The following EDN1 variants were observed in gnomAD, a reference collection of about 807,000 sequenced individuals.
EDN1 encodes the protein endothelin-1.
In EDN1, 11 loss-of-function variants were observed where a neutral mutation model predicts 21.7. That is an observed-to-expected ratio of 0.51 (90% CI 0.32 to 0.84). The LOEUF (loss-of-function observed/expected upper bound fraction) is 0.84, where lower values mean the gene tolerates loss of function less well. Among genes scored for constraint, EDN1 ranks in the 40% least tolerant of loss-of-function variants. EDN1 has a pLI of 0.03. For synonymous variants in EDN1, 85 were observed against 90.6 expected (o/e 0.94, Z 0.35); for missense variants, 244 against 262.3 (o/e 0.93, Z 0.48).
At chr6:12,246,191 A>G in the EDN1 span, among the ~76,000 whole-genome samples, 1 of 152,130 alleles carries the variant, frequency 6.6e-6, no homozygotes, top group African/African-American at 2.4e-5. Flanking sequence ...ACACGATTTA[A>G]ATGGAAGGTG....
At chr6:12,250,866 C>A in the EDN1 span, among the ~76,000 whole-genome samples, 1 of 152,156 alleles carries the variant, frequency 6.6e-6, no homozygotes, top group African/African-American at 2.4e-5. Flanking sequence ...ATTTTGAGTG[C>A]CTCTTGGCAT....
chr6:12,290,511 C>G lies in EDN1; in HGVS notation c.-119C>G, dbSNP rs1161753042. 1 of 837,524 alleles carries G rather than the reference C, an allele frequency of 1.2e-6. No individual in the cohort carries two copies. 51.9% of individuals were successfully genotyped at this position (837,524 alleles called of 1,614,324 possible). A position where few individuals can be genotyped will look rare whatever the true frequency, so the allele number is the denominator to read the frequency against. The stretch of plus-strand genomic sequence containing the variant: ...TCTCCCCGTTAAAAGGGCACTTGGG[C>G]TGAAGGATCGCTTTGAGATCTGAGG... On this transcript the variant is annotated 5_prime_UTR_variant, in exon 1 of 5. Coordinates refer to ENST00000379375, the MANE Select transcript of EDN1 (RefSeq NM_001955.5).
the EDN1 span, among the ~76,000 whole-genome samples, chr6:12,273,055 G>A: frequency 6.6e-6 from 1 of 152,098 alleles, no homozygotes; most frequent in Non-Finnish European, 1.5e-5. Flanking sequence ...TGAGCACTAA[G>A]TAAATTGTGA....
At chr6:12,286,917 C>A (rs1021715283), upstream of EDN1, among the ~76,000 whole-genome samples, 2 of 152,068 alleles carry the variant, frequency 1.3e-5, no homozygotes, top group Non-Finnish European at 1.5e-5. Flanking sequence ...ATTTCAAGAC[C>A]AGCCTAGGCA....
the EDN1 span, among the ~76,000 whole-genome samples, chr6:12,284,042 G>A: frequency 2.0e-5 from 3 of 152,018 alleles, no homozygotes; most frequent in African/African-American, 7.3e-5. Context: ...TTTTCCTCCG[G>A]GGGTATCTGT....
the EDN1 span, among the ~76,000 whole-genome samples, chr6:12,233,867 G>A: frequency 6.6e-6 from 1 of 152,158 alleles, no homozygotes; most frequent in East Asian, 1.9e-4. Context: ...GCTCATGGGA[G>A]CCTGAGTAAT....
chr6:12,266,661 C>T, the EDN1 span, among the ~76,000 whole-genome samples: 1 of 152,138 alleles, frequency 6.6e-6, no homozygotes, highest in African/African-American at 2.4e-5. Context: ...GGAGACCTCC[C>T]CAGGAAAGGT....
chr6:12,285,083 A>G, the EDN1 span, among the ~76,000 whole-genome samples: 1 of 152,132 alleles, frequency 6.6e-6, no homozygotes, highest in Non-Finnish European at 1.5e-5. Context: ...TCTAATATTA[A>G]TAATAATAAT....
Position 12,292,291 on chromosome 6 carries a change from C to T in EDN1, c.65-50C>T, listed in dbSNP as rs755405133. 6.2e-6 allele frequency: 10 copies of T among 1,609,272 alleles called. No individual in the cohort carries two copies. In the Admixed American group the frequency reaches 1.7e-4, roughly 27 times the overall value. ...GACTCTACTGTGATCCAGCATGTCT[C>T]TCGGCGTTTGAGGAGACATCCCCCA... On this transcript the variant is annotated intron_variant, in intron 1 of 4. Transcript: ENST00000379375.
chr6:12,277,778 A>C, the EDN1 span, among the ~76,000 whole-genome samples: 1 of 152,256 alleles, frequency 6.6e-6, no homozygotes, highest in African/African-American at 2.4e-5. Context: ...AAGGGCCTCC[A>C]GGGCGGGACT....
the EDN1 span, among the ~76,000 whole-genome samples, chr6:12,251,822 G>A: frequency 2.0e-5 from 3 of 152,056 alleles, no homozygotes; most frequent in Admixed American, 1.3e-4. Context: ...CGTGCCTGAG[G>A]GTCTTTCAGA....
chr6:12,280,329 A>C, the EDN1 span, among the ~76,000 whole-genome samples: 1 of 152,218 alleles, frequency 6.6e-6, no homozygotes, highest in Non-Finnish European at 1.5e-5. Flanking sequence ...TAAGGCCTGG[A>C]AAGAAAATTT....
At chr6:12,250,333 C>G in the EDN1 span, among the ~76,000 whole-genome samples, 13 of 152,134 alleles carry the variant, frequency 8.5e-5, no homozygotes, top group South Asian at 8.3e-4. Flanking sequence ...AATTGATACT[C>G]TGTCAATAAA....
the EDN1 span, among the ~76,000 whole-genome samples, chr6:12,246,917 T>C: frequency 2.9e-4 from 44 of 152,348 alleles, no homozygotes; most frequent in African/African-American, 1.1e-3. Context: ...TCAATTGTTA[T>C]TATGTAGCAC....
the EDN1 span, among the ~76,000 whole-genome samples, chr6:12,276,680 T>C: frequency 2.7e-3 from 415 of 152,222 alleles, 1 homozygote; most frequent in African/African-American, 9.6e-3. Context: ...CCTTGAGTCT[T>C]CAAACGCCAG....
the EDN1 span, among the ~76,000 whole-genome samples, chr6:12,254,308 C>T: frequency 6.6e-6 from 1 of 152,166 alleles, no homozygotes; most frequent in Admixed American, 6.5e-5. Context: ...CTTCCGTCTC[C>T]CTTTGCCTGG....
At chr6:12,230,807 A>G in the EDN1 span, among the ~76,000 whole-genome samples, 11 of 152,270 alleles carry the variant, frequency 7.2e-5, no homozygotes, top group East Asian at 2.1e-3. Context: ...GCAAATACGG[A>G]ACTTCTGAAT....
At position 12,290,460 on chromosome 6, in the gene EDN1, CT is replaced by C. The variant is rs888783115; in HGVS notation, c.-168del. 4.7e-6 allele frequency: 3 copies of C among 643,882 alleles called. No homozygotes were observed. In the African/African-American group the frequency reaches 5.6e-5, roughly 12 times the overall value. 39.9% of individuals were successfully genotyped at this position (643,882 alleles called of 1,614,324 possible). A position where few individuals can be genotyped will look rare whatever the true frequency, so the allele number is the denominator to read the frequency against. On this transcript the variant is annotated 5_prime_UTR_variant, in exon 1 of 5. Coordinates refer to ENST00000379375, the MANE Select transcript of EDN1 (RefSeq NM_001955.5). Reference sequence around the variant, plus strand: ...CGCCTGCAGACGCTCCGCTCGCTGCCTTCTCTCCTGGCAGGCGCTGCCTTTT... The same window carrying C: ...CGCCTGCAGACGCTCCGCTCGCTGCCTCTCTCCTGGCAGGCGCTGCCTTTT...
chr6:12,288,241 A>G (rs115842087), upstream of EDN1, among the ~76,000 whole-genome samples: 749 of 91,094 alleles, frequency 8.2e-3, 8 homozygotes, highest in African/African-American at 0.032. Context: ...CCAAAAGGTT[A>G]AAAAAAAAAA....
Sources: allele counts gnomAD v4.1 joint callset (sites outside exome capture counted in the v4.1 genomes callset), GRCh38; gene constraint gnomAD v4.1.1; transcripts MANE v1.5; gene names NCBI Gene and HGNC (gene_info 2026-07-23, HGNC 2026-07-21).